The following DNMT1 variants were observed in gnomAD, a reference collection of about 807,000 sequenced individuals.
DNMT1 encodes the protein DNA (cytosine-5)-methyltransferase 1.
Under a neutral mutation model 205.3 loss-of-function variants are expected in DNMT1, and 24 were observed. The observed-to-expected ratio is 0.12, with a 90% CI of 0.08 to 0.16. The LOEUF (loss-of-function observed/expected upper bound fraction) is 0.16, where lower values mean the gene tolerates loss of function less well. Ranked by LOEUF, DNMT1 falls within the 10% of genes least tolerant of loss-of-function variation. DNMT1 has a pLI of 1.00. For missense variants in DNMT1, 1,293 were observed against 2,177.7 expected, an observed-to-expected ratio of 0.59 and a Z score of 8.09; for synonymous variants, 817 against 839.8, an observed-to-expected ratio of 0.97 and a Z score of 0.47.
intron 34 of DNMT1, among the ~76,000 whole-genome samples, chr19:10,139,283 G>A (rs1368206603): frequency 6.6e-6 from 1 of 152,134 alleles, no homozygotes; most frequent in Non-Finnish European, 1.5e-5. Context: ...TAAACCAATC[G>A]AACAGCTGCC....
chr19:10,135,490 G>A (rs767823451), intron 39 of DNMT1: 45 of 549,578 alleles, frequency 8.2e-5, no homozygotes, highest in Non-Finnish European at 1.3e-4. Context: ...TTAGCGCGAC[G>A]GACTGTCCTT....
chr19:10,146,370 G>T lies in DNMT1; in HGVS notation c.2875C>A (p.Pro959Thr). Residue 959 changes from proline to threonine, a missense_variant, in exon 28 of 41, where the codon CCT becomes ACT. By Grantham distance (38) the Pro-to-Thr change is conservative. Around this residue, in one of 13 missense-constraint regions of DNMT1, gnomAD observed 112 missense variants for 116.6 expected, o/e 0.96. Coordinates refer to ENST00000359526, the MANE Select transcript of DNMT1 (RefSeq NM_001130823.3). This position sits in a 1 kb window ranked among gnomAD's most constrained non-coding sequence, Gnocchi z 4.4. The stretch of plus-strand genomic sequence containing the variant: ...ACTTACTTGAACGTGAAGGCCTCAG[G>T]GGGCAGGTACACACCATCACCAACT... ...YRVGDGVYLPPEAFTFNIKLS... is the reference protein window; with the variant it reads ...YRVGDGVYLPTEAFTFNIKLS... 6.2e-7 allele frequency: 1 copy of T among 1,614,030 alleles called. No individual in the cohort carries two copies. Among genetic ancestry groups the T allele is most frequent in the Non-Finnish European group, 8.5e-7 (1 of 1,180,016 alleles).
At chr19:10,134,431 T>G (rs545866832) in intron 39 of DNMT1, 124 bp from the exon 40 acceptor site, 2 of 857,680 alleles carry the variant, frequency 2.3e-6, no homozygotes, top group East Asian at 5.3e-5. Flanking sequence ...TGGGGAAGGG[T>G]TCTGGTCCTG....
chr19:10,174,372 C>T (rs901977758), intron 7 of DNMT1, among the ~76,000 whole-genome samples: 3 of 151,758 alleles, frequency 2.0e-5, no homozygotes, highest in Non-Finnish European at 4.4e-5. Context: ...GCCATGACTG[C>T]GCCACTGCAC....
chr19:10,136,943 A>G, intron 37 of DNMT1, 142 bp downstream of exon 37: 2 of 1,169,998 alleles, frequency 1.7e-6, no homozygotes, highest in Admixed American at 2.0e-5. Flanking sequence ...ACTACTCAAC[A>G]TGGTCAGCAG....
At chr19:10,158,232 C>T (rs1206006379) in intron 17 of DNMT1, among the ~76,000 whole-genome samples, 1 of 152,252 alleles carries the variant, frequency 6.6e-6, no homozygotes, top group Non-Finnish European at 1.5e-5. Context: ...CACCACAGCA[C>T]ACCTCACTCA....
At chr19:10,192,814 T>G (rs12460767) in intron 1 of DNMT1, among the ~76,000 whole-genome samples, 45,150 of 151,942 alleles carry the variant, frequency 0.3, 7,409 homozygotes, top group Non-Finnish European at 0.36. Flanking sequence ...TTTGGGAGGC[T>G]GAGGCAGGTG....
chr19:10,155,727 T>C, intron 19 of DNMT1, 126 bp downstream of exon 19: 1 of 985,144 alleles, frequency 1.0e-6, no homozygotes, highest in Admixed American at 2.0e-5. Flanking sequence ...CCTGCTAAGG[T>C]TCCCAGTCAC....
At position 10,159,429 on chromosome 19, in the gene DNMT1, G is replaced by A. The variant is rs910270765; in HGVS notation, c.1280+229C>T. ...TCGCCATGTTGGCCAGGCTGGTCTCGAACTCCTGACCTGAAGTGATCTGCT... is the reference window on the plus strand; with the variant it reads ...TCGCCATGTTGGCCAGGCTGGTCTCAAACTCCTGACCTGAAGTGATCTGCT... On this transcript the variant is annotated intron_variant, in intron 17 of 40. Transcript: ENST00000359526. The surrounding 1 kb of genome is among the most constrained non-coding windows in gnomAD (Gnocchi z 5.0). 6.6e-6 allele frequency among the ~76,000 whole-genome samples: 1 copy of A among 152,076 alleles called. No homozygotes were observed. The highest frequency in any genetic ancestry group is 1.9e-4 in the East Asian group (1 of 5,188).
chr19:10,137,392 C>G lies in DNMT1; in HGVS notation c.4294-112G>C. On this transcript the variant is annotated intron_variant, in intron 36 of 40. Coordinates refer to ENST00000359526, the MANE Select transcript of DNMT1 (RefSeq NM_001130823.3). The surrounding 1 kb of genome is among the most constrained non-coding windows in gnomAD (Gnocchi z 6.4). Reference sequence around the variant, plus strand: ...TGACCAGGAAGCCCCCTGGGGCTCACGCCCATCGGGAAAGAGACAGTCAGG... The same window carrying G: ...TGACCAGGAAGCCCCCTGGGGCTCAGGCCCATCGGGAAAGAGACAGTCAGG... 3 of 1,333,244 alleles carry G rather than the reference C, an allele frequency of 2.3e-6. No homozygotes were observed. Among genetic ancestry groups the G allele is most frequent in the Non-Finnish European group, 3.1e-6 (3 of 972,392 alleles). 82.6% of individuals were successfully genotyped at this position (1,333,244 alleles called of 1,614,324 possible). A position where few individuals can be genotyped will look rare whatever the true frequency, so the allele number is the denominator to read the frequency against.
intron 30 of DNMT1, chr19:10,141,757 C>A: frequency 2.0e-6 from 1 of 491,798 alleles, no homozygotes; most frequent in Non-Finnish European, 3.7e-6. Context: ...TGCACCAAGA[C>A]ACTAAAACGT....
Position 10,180,006 on chromosome 19 carries a change from AG to A in DNMT1, c.493+180del, listed in dbSNP as rs760140827. The A allele has an allele frequency of 0.12, 23,220 of 187,224 alleles. 1,907 individuals carry two copies. The highest frequency in any genetic ancestry group is 0.34 in the East Asian group (2,221 of 6,568). The allele number at this position is 187,224 out of a possible 1,614,324, so 11.6% of individuals were successfully genotyped here. On this transcript the variant is annotated intron_variant, in intron 5 of 40. Coordinates refer to ENST00000359526, the MANE Select transcript of DNMT1 (RefSeq NM_001130823.3). ...CTCTGTCATTAAAAAAAAAAAAAAA[AG>A]AAAGAAAGAAAGAGAGTTAAGCAGG...
In DNMT1 at chr19:10,146,556, C is replaced by T; in HGVS notation, c.2721-32G>A. The stretch of plus-strand genomic sequence containing the variant: ...GAAACAAAGGGACAGAAACATAAGG[C>T]CCTGAGGTGGCCGGCAGTGGCCGCA... On this transcript the variant is annotated intron_variant, in intron 27 of 40. Transcript: ENST00000359526. The surrounding 1 kb of genome is among the most constrained non-coding windows in gnomAD (Gnocchi z 4.4). 1.2e-6 allele frequency: 2 copies of T among 1,613,438 alleles called. No individual in the cohort carries two copies. Among genetic ancestry groups the T allele is most frequent in the Non-Finnish European group, 1.7e-6 (2 of 1,180,004 alleles).
chr19:10,151,537 T>A lies in DNMT1; in HGVS notation c.2126A>T (p.Asn709Ile). The A allele has an allele frequency of 1.2e-6, 2 of 1,613,882 alleles. No individual in the cohort carries two copies. The highest frequency in any genetic ancestry group is 1.7e-6 in the Non-Finnish European group (2 of 1,180,030). ...GTCATCTGCCTCCTTCATGGCCATA[T>A]TGGGACACCTGCAATGTCACTGGTT... ...KQACQERRCP[N>I]MAMKEADDDE... Residue 709 changes from asparagine (N) to isoleucine (I), a missense_variant, in exon 24 of 41, where the codon AAT becomes ATT. Asn to Ile is a moderately radical substitution (Grantham distance 149, BLOSUM62 -3). Coordinates refer to ENST00000359526, the MANE Select transcript of DNMT1 (RefSeq NM_001130823.3). This position sits in a 1 kb window ranked among gnomAD's most constrained non-coding sequence, Gnocchi z 5.0.
intron 13 of DNMT1, among the ~76,000 whole-genome samples, chr19:10,161,581 C>T (rs947762965): frequency 1.1e-4 from 16 of 152,036 alleles, no homozygotes; most frequent in Non-Finnish European, 1.9e-4. Context: ...CAGGAGTTTG[C>T]GGCTATGGTA....
intron 1 of DNMT1, among the ~76,000 whole-genome samples, chr19:10,189,772 T>C (rs757835131): frequency 6.6e-6 from 1 of 152,200 alleles, no homozygotes; most frequent in Non-Finnish European, 1.5e-5. Flanking sequence ...TGTGACTCAC[T>C]TTCTTGCTAG....
chr19:10,169,473 C>T (rs923958827), intron 9 of DNMT1, among the ~76,000 whole-genome samples: 1 of 150,984 alleles, frequency 6.6e-6, no homozygotes, highest in Non-Finnish European at 1.5e-5. Flanking sequence ...AGGAGAATGG[C>T]GTGAACTTGG....
Position 10,156,493 on chromosome 19 carries a change from C to T in DNMT1, c.1297G>A (p.Gly433Ser), listed in dbSNP as rs758850158. Residue 433 changes from glycine (G) to serine (S), a missense_variant, in exon 18 of 41, where the codon GGT (glycine) becomes AGT (serine). Physicochemically the swap from Gly to Ser is moderately conservative, Grantham distance 56. Transcript: ENST00000359526. The surrounding 1 kb of genome is among the most constrained non-coding windows in gnomAD (Gnocchi z 4.2). Reference sequence around the variant, plus strand: ...CCGGTGTCGATGGGACACAGGTGACCGTGCTTACAGTACACACTAGACAGG... The same window carrying T: ...CCGGTGTCGATGGGACACAGGTGACTGTGCTTACAGTACACACTAGACAGG... Reference protein sequence around the residue: ...LTCFSVYCKHGHLCPIDTGLI... With the variant: ...LTCFSVYCKHSHLCPIDTGLI... The T allele has an allele frequency of 3.1e-6, 5 of 1,613,070 alleles. No individual in the cohort carries two copies. The highest frequency in any genetic ancestry group is 1.7e-4 in the Middle Eastern group (1 of 6,060).
intron 29 of DNMT1, among the ~76,000 whole-genome samples, chr19:10,142,458 C>T (rs895110685): frequency 6.6e-6 from 1 of 151,406 alleles, no homozygotes; most frequent in Non-Finnish European, 1.5e-5. Flanking sequence ...GTAAAGACCC[C>T]CCCTAGTTAG....
Sources: allele counts gnomAD v4.1 joint callset (sites outside exome capture counted in the v4.1 genomes callset), GRCh38; gene constraint gnomAD v4.1.1; regional missense constraint gnomAD v4.1.1; non-coding constraint Gnocchi (gnomAD v3.1); transcripts MANE v1.5; gene names NCBI Gene and HGNC (gene_info 2026-07-23, HGNC 2026-07-21).